DMRT1: variants seen among roughly 807,000 people sequenced by gnomAD.
DMRT1 encodes the protein doublesex- and mab-3-related transcription factor 1.
In DMRT1, 7 loss-of-function variants were observed where a neutral mutation model predicts 32.3. That is an observed-to-expected ratio of 0.22 (90% CI 0.12 to 0.41). DMRT1 has a LOEUF of 0.41. Among genes scored for constraint, DMRT1 ranks in the 10% least tolerant of loss-of-function variants. DMRT1 has a pLI of 1.00. For missense variants in DMRT1, 625 were observed against 500.5 expected, an observed-to-expected ratio of 1.25 and a Z score of -2.37; for synonymous variants, 278 against 206.1, an observed-to-expected ratio of 1.35 and a Z score of -2.99.
intron 3 of DMRT1, among the ~76,000 whole-genome samples, chr9:915,606 T>A (rs1314991788): frequency 6.6e-6 from 1 of 152,146 alleles, no homozygotes; most frequent in Non-Finnish European, 1.5e-5. Context: ...GATCTCAGAC[T>A]CCTGTTCTTG....
At chr9:855,719 A>G (rs1815371008) in intron 2 of DMRT1, among the ~76,000 whole-genome samples, 1 of 152,226 alleles carries the variant, frequency 6.6e-6, no homozygotes, top group Admixed American at 6.5e-5. Flanking sequence ...TCCTGGGCTC[A>G]GCAATTCTTC....
At chr9:949,489 A>T (rs1408329436) in intron 4 of DMRT1, among the ~76,000 whole-genome samples, 1 of 152,202 alleles carries the variant, frequency 6.6e-6, no homozygotes, top group Non-Finnish European at 1.5e-5. Context: ...CACCCGTGAC[A>T]CGATCACCAC....
At chr9:957,099 C>T (rs1250223195) in intron 4 of DMRT1, among the ~76,000 whole-genome samples, 2 of 152,160 alleles carry the variant, frequency 1.3e-5, no homozygotes, top group African/African-American at 4.8e-5. Flanking sequence ...CCCTTGCCTC[C>T]CCGCCAGTAG....
At position 841,714 on chromosome 9, in the gene DMRT1, G is replaced by A. The variant is rs981974320; in HGVS notation, c.-125G>A. 6.5e-7 allele frequency: 1 copy of A among 1,537,810 alleles called. No individual in the cohort carries two copies. The highest frequency in any genetic ancestry group is 8.8e-7 in the Non-Finnish European group (1 of 1,142,074). ...ACCTCGCCACTCCAGCTGCGCCTCC[G>A]GCTGCAGCGCACACGTCTCCTGCGC... is the stretch of plus-strand genomic sequence containing the variant. On this transcript the variant is annotated 5_prime_UTR_variant, in exon 1 of 5. Coordinates refer to ENST00000382276, the MANE Select transcript of DMRT1 (RefSeq NM_021951.3).
At chr9:891,134 G>A (rs965792872) in intron 2 of DMRT1, among the ~76,000 whole-genome samples, 2 of 151,424 alleles carry the variant, frequency 1.3e-5, no homozygotes, top group African/African-American at 4.9e-5. Flanking sequence ...GAGCTCAGGA[G>A]TTTGAGACCA....
chr9:873,085 T>C (rs1042095249), intron 2 of DMRT1, among the ~76,000 whole-genome samples: 1 of 152,210 alleles, frequency 6.6e-6, no homozygotes, highest in Non-Finnish European at 1.5e-5. Flanking sequence ...CAAGGTGACA[T>C]CTAAAATTAA....
intron 1 of DMRT1, among the ~76,000 whole-genome samples, chr9:844,845 C>G (rs1180847098): frequency 1.3e-5 from 2 of 151,632 alleles, no homozygotes; most frequent in Non-Finnish European, 2.9e-5. Flanking sequence ...CTCGGCCTCC[C>G]GAGTAGCTGG....
At chr9:905,202 C>T (rs1311098874) in intron 3 of DMRT1, among the ~76,000 whole-genome samples, 1 of 152,224 alleles carries the variant, frequency 6.6e-6, no homozygotes, top group Non-Finnish European at 1.5e-5. Context: ...GGGTTGCCCT[C>T]AGCACCCCCT....
rs142381245 is a variant in DMRT1 at position 845,088 on chromosome 9, T to C, written c.355-1872T>C. Among the ~76,000 whole-genome samples, 415 of 152,374 alleles carry C rather than the reference T, an allele frequency of 2.7e-3. 2 individuals are homozygous for C. The highest frequency in any genetic ancestry group is 4.2e-3 in the Non-Finnish European group (288 of 68,040). On this transcript the variant is annotated intron_variant, in intron 1 of 4. Coordinates refer to ENST00000382276, the MANE Select transcript of DMRT1 (RefSeq NM_021951.3). Reference sequence around the variant, plus strand: ...GGCTTATATTTGGGCAGCTCTGCGGTGTGGGTGCTTCACTGTCATTTCATA... The same window carrying C: ...GGCTTATATTTGGGCAGCTCTGCGGCGTGGGTGCTTCACTGTCATTTCATA...
chr9:875,952 G>A (rs1026311322), intron 2 of DMRT1, among the ~76,000 whole-genome samples: 3 of 152,180 alleles, frequency 2.0e-5, no homozygotes, highest in Non-Finnish European at 2.9e-5. Context: ...GGTGCCACAT[G>A]TGATTGGCAG....
chr9:874,753 C>G (rs1365490196), intron 2 of DMRT1, among the ~76,000 whole-genome samples: 1 of 149,392 alleles, frequency 6.7e-6, no homozygotes, highest in Non-Finnish European at 1.5e-5. Context: ...CTTCTTGGGA[C>G]TTGTCATAAC....
intron 2 of DMRT1, among the ~76,000 whole-genome samples, chr9:876,365 C>G (rs1310391458): frequency 6.6e-6 from 1 of 152,154 alleles, no homozygotes; most frequent in Non-Finnish European, 1.5e-5. Context: ...CCTTACCTGA[C>G]ATTCCCTGCT....
intron 2 of DMRT1, among the ~76,000 whole-genome samples, chr9:852,960 T>C (rs1370585113): frequency 3.3e-5 from 5 of 152,228 alleles, no homozygotes; most frequent in African/African-American, 1.2e-4. Flanking sequence ...GTTTAAGTGC[T>C]TAAAAGTTCA....
intron 3 of DMRT1, among the ~76,000 whole-genome samples, chr9:909,205 C>T (rs1298689603): frequency 1.3e-5 from 2 of 152,092 alleles, no homozygotes; most frequent in Admixed American, 6.6e-5. Flanking sequence ...TCGGGAGGGG[C>T]GGGTTTTCGC....
chr9:950,393 T>C (rs1226341487), intron 4 of DMRT1, among the ~76,000 whole-genome samples: 1 of 152,064 alleles, frequency 6.6e-6, no homozygotes, highest in East Asian at 1.9e-4. Context: ...CTGTGGTCTC[T>C]TGTGAACAGT....
chr9:843,222 C>T (rs539878467), intron 1 of DMRT1, among the ~76,000 whole-genome samples: 3 of 152,316 alleles, frequency 2.0e-5, no homozygotes, highest in South Asian at 4.1e-4. Context: ...GAGGCTCGGC[C>T]GGCTGCTGCT....
At chr9:888,805 G>C (rs1228398393) in intron 2 of DMRT1, among the ~76,000 whole-genome samples, 1 of 151,990 alleles carries the variant, frequency 6.6e-6, no homozygotes, top group Non-Finnish European at 1.5e-5. Context: ...TGAGAGTACA[G>C]CCGTGTGTCT....
At chr9:912,906 C>T (rs997341409) in intron 3 of DMRT1, among the ~76,000 whole-genome samples, 1 of 152,128 alleles carries the variant, frequency 6.6e-6, no homozygotes, top group African/African-American at 2.4e-5. Context: ...TCTCACCTTA[C>T]TCCAGTGAGA....
At position 867,756 on chromosome 9, in the gene DMRT1, C is replaced by T. The variant is rs569355069; in HGVS notation, c.538+20613C>T. ...TAGTAACTGGGACCCAGTAGGTGGCCAGGTGGTTTGTATCTTGGTACAAGG... is the reference window on the plus strand; with the variant it reads ...TAGTAACTGGGACCCAGTAGGTGGCTAGGTGGTTTGTATCTTGGTACAAGG... On this transcript the variant is annotated intron_variant, in intron 2 of 4. Transcript: ENST00000382276. Among the ~76,000 whole-genome samples, 81 of 152,232 alleles carry T rather than the reference C, an allele frequency of 5.3e-4. 1 individual carries two copies. In the South Asian group the frequency reaches 0.016, roughly 31 times the overall value.
Sources: allele counts gnomAD v4.1 joint callset (sites outside exome capture counted in the v4.1 genomes callset), GRCh38; gene constraint gnomAD v4.1.1; transcripts MANE v1.5; gene names NCBI Gene and HGNC (gene_info 2026-07-23, HGNC 2026-07-21).